Variants in OSTN observed in about 807,000 individuals in gnomAD.
The protein encoded by OSTN is osteocrin.
In OSTN, 9 loss-of-function variants were observed where a neutral mutation model predicts 12.0. The ratio of observed to expected loss-of-function variants is 0.75; its 90% CI spans 0.45 to 1.30. The LOEUF (loss-of-function observed/expected upper bound fraction) is 1.30. Ranked by LOEUF, OSTN falls within the 50% of genes most tolerant of loss-of-function variation. OSTN has a pLI of 0.00. For synonymous variants in OSTN, 59 were observed against 56.9 expected (o/e 1.04, Z -0.16); for missense variants, 148 against 152.3 (o/e 0.97, Z 0.15).
In OSTN at chr3:191,235,451, C is replaced by A. The variant is rs542874612; in HGVS notation, c.318-14586C>A. On this transcript the variant is annotated intron_variant, in intron 3 of 4. Coordinates refer to ENST00000682035, the MANE Select transcript of OSTN (RefSeq NM_198184.2). Reference sequence around the variant, plus strand: ...TCCTCCAGAACTGGGGATGGAGATGCATGCAGAGAAGTAAAACAAAGTCTT... The same window carrying A: ...TCCTCCAGAACTGGGGATGGAGATGAATGCAGAGAAGTAAAACAAAGTCTT... 1.2e-3 allele frequency among the ~76,000 whole-genome samples: 176 copies of A among 152,272 alleles called. 1 individual carries two copies. Among genetic ancestry groups the A allele is most frequent in the African/African-American group, 4.0e-3 (167 of 41,546 alleles).
chr3:191,202,551 A>G (rs1011429281), intron 1 of OSTN, among the ~76,000 whole-genome samples: 1 of 152,186 alleles, frequency 6.6e-6, no homozygotes, highest in Non-Finnish European at 1.5e-5. Context: ...TCCATTTATT[A>G]TGTTGGCTAG....
chr3:191,244,129 T>C (rs1715380070), intron 3 of OSTN, among the ~76,000 whole-genome samples: 1 of 152,148 alleles, frequency 6.6e-6, no homozygotes, highest in South Asian at 2.1e-4. Flanking sequence ...ATGTATAGGT[T>C]CTGTATGTGT....
At chr3:191,248,440 C>T (rs895843646) in intron 3 of OSTN, among the ~76,000 whole-genome samples, 4 of 151,860 alleles carry the variant, frequency 2.6e-5, no homozygotes, top group East Asian at 1.9e-4. Context: ...TCATGTTTAG[C>T]GTTTAAATTA....
intron 3 of OSTN, among the ~76,000 whole-genome samples, chr3:191,232,506 C>CTATATATA (rs150235705): frequency 2.1e-5 from 3 of 146,322 alleles, no homozygotes; most frequent in Middle Eastern, 3.4e-3. Context: ...AAAGTAAATG[C>CTATATATA]TATATATATA....
chr3:191,213,005 G>C (rs1228588710), intron 2 of OSTN, among the ~76,000 whole-genome samples: 1 of 150,668 alleles, frequency 6.6e-6, no homozygotes, highest in Non-Finnish European at 1.5e-5. Flanking sequence ...CAAGTAGCTG[G>C]GATTATAGGC....
intron 2 of OSTN, chr3:191,213,179 C>A (rs1414098723): frequency 6.6e-6 from 1 of 152,100 alleles, no homozygotes; most frequent in African/African-American, 2.4e-5. Flanking sequence ...TATTTTTTGA[C>A]TCTTTTGTAA....
intron 2 of OSTN, among the ~76,000 whole-genome samples, chr3:191,218,238 T>G (rs1714670860): frequency 6.6e-6 from 1 of 152,218 alleles, no homozygotes; most frequent in Non-Finnish European, 1.5e-5. Context: ...TTCTTTTCTT[T>G]TCTTGTTTTA....
At chr3:191,216,796 A>C (rs1231994971) in intron 2 of OSTN, among the ~76,000 whole-genome samples, 1 of 152,246 alleles carries the variant, frequency 6.6e-6, no homozygotes, top group African/African-American at 2.4e-5. Context: ...TTCATTGTCC[A>C]TAAAACTATC....
intron 3 of OSTN, among the ~76,000 whole-genome samples, chr3:191,241,999 C>T (rs1047393744): frequency 2.6e-5 from 4 of 151,618 alleles, no homozygotes; most frequent in Non-Finnish European, 5.9e-5. Flanking sequence ...AAACAAATAG[C>T]AATGTATTTA....
chr3:191,228,644 A>T (rs1329352264), intron 3 of OSTN: 2 of 152,182 alleles, frequency 1.3e-5, no homozygotes, highest in East Asian at 3.8e-4. Flanking sequence ...TGACTGAAAA[A>T]TCTTTAGAAA....
chr3:191,202,268 T>C (rs1278752386), intron 1 of OSTN, among the ~76,000 whole-genome samples: 2 of 152,232 alleles, frequency 1.3e-5, no homozygotes, highest in Non-Finnish European at 2.9e-5. Flanking sequence ...AATGTTATTT[T>C]TTCAAAAGTT....
At chr3:191,217,430 G>A (rs1714642118) in intron 2 of OSTN, among the ~76,000 whole-genome samples, 1 of 152,178 alleles carries the variant, frequency 6.6e-6, no homozygotes, top group South Asian at 2.1e-4. Flanking sequence ...AAGACCAACA[G>A]TCTGGCACAT....
chr3:191,249,081 T>A (rs191000351), intron 3 of OSTN, among the ~76,000 whole-genome samples: 6 of 152,366 alleles, frequency 3.9e-5, no homozygotes, highest in African/African-American at 1.4e-4. Flanking sequence ...CTTTCTGACC[T>A]CTTTTCTGCA....
intron 3 of OSTN, 45 bp downstream of exon 3, chr3:191,219,006 C>T (rs1560116079): frequency 6.7e-7 from 1 of 1,495,060 alleles, no homozygotes; most frequent in African/African-American, 1.4e-5. Context: ...CTAATTATTT[C>T]CTTCTGGATT....
intron 3 of OSTN, among the ~76,000 whole-genome samples, chr3:191,220,649 T>C (rs188956359): frequency 5.9e-4 from 90 of 152,158 alleles, no homozygotes; most frequent in African/African-American, 2.0e-3. Context: ...ATATCAAAAA[T>C]AAATATATGT....
intron 4 of OSTN, among the ~76,000 whole-genome samples, chr3:191,257,320 C>T (rs1381923957): frequency 6.6e-6 from 1 of 151,102 alleles, no homozygotes; most frequent in Non-Finnish European, 1.5e-5. Flanking sequence ...GTAGTTTTGA[C>T]TACATATAGT....
At chr3:191,205,041 A>T (rs1714237079) in intron 1 of OSTN, among the ~76,000 whole-genome samples, 1 of 152,214 alleles carries the variant, frequency 6.6e-6, no homozygotes, top group Non-Finnish European at 1.5e-5. Flanking sequence ...TAAAACACAA[A>T]TTAAAAAGGT....
At chr3:191,231,476 A>G (rs530710730) in intron 3 of OSTN, among the ~76,000 whole-genome samples, 1 of 152,232 alleles carries the variant, frequency 6.6e-6, no homozygotes, top group East Asian at 1.9e-4. Flanking sequence ...TAAAAATTAT[A>G]ATAATTTTGC....
At chr3:191,236,015 A>C (rs2108544208) in intron 3 of OSTN, among the ~76,000 whole-genome samples, 1 of 152,314 alleles carries the variant, frequency 6.6e-6, no homozygotes, top group Middle Eastern at 3.4e-3. Context: ...GGAGGAAGGA[A>C]AATGCCATTG....
Sources: gnomAD v4.1 joint callset for allele counts (sites outside exome capture counted in the v4.1 genomes callset) on GRCh38, gnomAD v4.1.1 for gene constraint, MANE v1.5 for transcripts, NCBI Gene and HGNC (gene_info 2026-07-23, HGNC 2026-07-21) for gene names.